KIF16B: variants seen among roughly 807,000 people sequenced by gnomAD.
The protein encoded by KIF16B is kinesin-like protein KIF16B.
A neutral mutation model predicts 156.3 loss-of-function variants in KIF16B; 98 were observed. The ratio of observed to expected loss-of-function variants is 0.63; its 90% CI spans 0.53 to 0.74. KIF16B has a LOEUF of 0.74. Ranked by LOEUF, KIF16B falls within the 30% of genes least tolerant of loss-of-function variation. KIF16B has a pLI of 0.00. For missense variants in KIF16B, 1,421 were observed against 1,606.5 expected (o/e 0.88, Z 1.97); for synonymous variants, 564 against 583.7 (o/e 0.97, Z 0.49).
intron 17 of KIF16B, among the ~76,000 whole-genome samples, chr20:16,396,753 C>T (rs535106749): frequency 1.1e-4 from 16 of 149,640 alleles, no homozygotes; most frequent in African/African-American, 2.5e-4. Context: ...CCCCGATTGT[C>T]GGTGACTTCA....
chr20:16,472,247 A>G (rs1455488917), intron 12 of KIF16B, among the ~76,000 whole-genome samples: 8 of 152,198 alleles, frequency 5.3e-5, no homozygotes. Flanking sequence ...CAGGGCCTAA[A>G]ATATTTACTA....
chr20:16,444,047 T>C (rs1439355663), intron 12 of KIF16B, among the ~76,000 whole-genome samples: 1 of 152,244 alleles, frequency 6.6e-6, no homozygotes, highest in East Asian at 1.9e-4. Flanking sequence ...GCCAGCTATC[T>C]AAACATCTAA....
intron 24 of KIF16B, among the ~76,000 whole-genome samples, chr20:16,323,512 C>T (rs2063800758): frequency 6.6e-6 from 1 of 152,014 alleles, no homozygotes; most frequent in Admixed American, 6.6e-5. Context: ...GAAATATACT[C>T]ACAAACAAAT....
At chr20:16,322,757 T>A (rs2063790473) in intron 24 of KIF16B, among the ~76,000 whole-genome samples, 1 of 152,054 alleles carries the variant, frequency 6.6e-6, no homozygotes, top group Admixed American at 6.6e-5. Context: ...GCCAGTCTGC[T>A]GCCATCAAGA....
Position 16,510,142 on chromosome 20 carries a change from C to A in KIF16B, c.556+1276G>T, listed in dbSNP as rs1329668811. On this transcript the variant is annotated intron_variant, in intron 6 of 25. Coordinates refer to ENST00000354981, the MANE Select transcript of KIF16B (RefSeq NM_024704.5). ...TTCCCCTAAGTATCTAGGTCAGATT[C>A]TGGATGTTTGCTCTGTTTTGCTATT... Among the ~76,000 whole-genome samples, 8 of 152,248 alleles carry A rather than the reference C, an allele frequency of 5.3e-5. No individual in the cohort carries two copies. The East Asian group carries it at 1.4e-3, about 26-fold the overall frequency.
rs1478305353 is a variant in KIF16B, at chr20:16,512,901, C to T, written c.371G>A (p.Arg124Gln). 5.0e-6 allele frequency: 8 copies of T among 1,612,680 alleles called. No homozygotes were observed. The highest frequency in any genetic ancestry group is 1.7e-5 in the Admixed American group (1 of 60,012). The change falls in exon 5 of 26, where the codon CGG becomes CAG. Residue 124 changes from arginine to glutamine, a missense_variant. Physicochemically the swap from Arg to Gln is conservative, Grantham distance 43. Coordinates refer to ENST00000354981, the MANE Select transcript of KIF16B (RefSeq NM_024704.5). ...CCGACTGAAGAGTCCTTCACAGATC[C>T]GAGGTATTAAGCCAGAATCTCCCTG... Reference protein sequence around the residue: ...GNSGDSGLIPRICEGLFSRIN... With the variant: ...GNSGDSGLIPQICEGLFSRIN...
intron 24 of KIF16B, among the ~76,000 whole-genome samples, chr20:16,313,888 C>T (rs1347161981): frequency 6.6e-6 from 1 of 152,186 alleles, no homozygotes; most frequent in Non-Finnish European, 1.5e-5. Context: ...AATTGTGCTG[C>T]TATGATCACT....
At position 16,573,242 on chromosome 20, in the gene KIF16B, G is replaced by A; in HGVS notation, c.34C>T (p.Pro12Ser). 6.2e-7 allele frequency: 1 copy of A among 1,601,888 alleles called. No homozygotes were observed. The highest frequency in any genetic ancestry group is 1.1e-5 in the South Asian group (1 of 88,828). Residue 12 changes from proline (P) to serine (S), a missense_variant, in exon 1 of 26, where the codon CCC becomes TCC. Physicochemically the swap from Pro to Ser is moderately conservative, Grantham distance 74 (BLOSUM62 -1). Transcript: ENST00000354981. ...ASVKVAVRVR[P>S]MNRREKDLEA... is the part of the protein sequence containing the mutation. The stretch of plus-strand genomic sequence containing the variant: ...GGCCCCACTCACCTGCGATTCATGG[G>A]CCGGACCCTCACGGCCACCTTGACC...
chr20:16,289,683 T>C (rs544558155), intron 25 of KIF16B, among the ~76,000 whole-genome samples: 54 of 151,710 alleles, frequency 3.6e-4, no homozygotes, highest in Non-Finnish European at 6.8e-4. Flanking sequence ...CTACTAAAAA[T>C]ACAAAAAATT....
At chr20:16,381,487 A>T (rs1357428683) in intron 18 of KIF16B, among the ~76,000 whole-genome samples, 1 of 151,702 alleles carries the variant, frequency 6.6e-6, no homozygotes, top group Non-Finnish European at 1.5e-5. Context: ...TTGAAGATGA[A>T]CGTTTAAAAA....
chr20:16,275,077 G>A (rs1432337970), intron 25 of KIF16B, among the ~76,000 whole-genome samples: 2 of 141,992 alleles, frequency 1.4e-5, no homozygotes, highest in Non-Finnish European at 3.0e-5. Context: ...TTTTTGAGAC[G>A]GAGTCTTGCT....
At position 16,370,383 on chromosome 20, in the gene KIF16B, C is replaced by T. The variant is rs141123043; in HGVS notation, c.3498+203G>A. On this transcript the variant is annotated intron_variant, in intron 22 of 25. Transcript: ENST00000354981. ...GGCAAAGCTCCACCACAGCTACATG[C>T]CATTCAAATAAAGTCAAAGCAGTTT... Among the ~76,000 whole-genome samples the T allele has an allele frequency of 2.6e-5, 4 of 152,244 alleles. No individual in the cohort carries two copies. The East Asian group carries it at 5.8e-4, about 22-fold the overall frequency.
intron 23 of KIF16B, among the ~76,000 whole-genome samples, chr20:16,355,957 A>C (rs1205935973): frequency 6.6e-6 from 1 of 152,260 alleles, no homozygotes; most frequent in African/African-American, 2.4e-5. Context: ...AGAAAAATTA[A>C]GACTAAGCCC....
chr20:16,273,935 C>G (rs561642009), intron 25 of KIF16B, among the ~76,000 whole-genome samples: 1 of 152,130 alleles, frequency 6.6e-6, no homozygotes, highest in Non-Finnish European at 1.5e-5. Context: ...CTCAGATCTA[C>G]AGCAGACAAT....
rs529646747 is a variant in KIF16B, at chr20:16,517,165, G to T, written c.232-1501C>A. 1.4e-4 allele frequency among the ~76,000 whole-genome samples: 22 copies of T among 152,268 alleles called. No individual in the cohort carries two copies. The South Asian group carries it at 3.3e-3, about 23-fold the overall frequency. On this transcript the variant is annotated intron_variant, in intron 3 of 25. Coordinates refer to ENST00000354981, the MANE Select transcript of KIF16B (RefSeq NM_024704.5). ...GACAAGATGAAAATACAGCCAACTG[G>T]AACTCAGCTGTCTTCAGATCCATCT...
intron 19 of KIF16B, 36 bp from the exon 20 acceptor site, chr20:16,374,445 T>C (rs751289072): frequency 4.1e-6 from 6 of 1,470,130 alleles, no homozygotes; most frequent in Non-Finnish European, 5.5e-6. Context: ...CATTCATTAA[T>C]AGTATTTCCC....
chr20:16,359,642 A>G (rs902546843), intron 22 of KIF16B, among the ~76,000 whole-genome samples: 1 of 143,134 alleles, frequency 7.0e-6, no homozygotes, highest in Non-Finnish European at 1.5e-5. Flanking sequence ...GCTCAGGATC[A>G]TAGATTCTTT....
intron 6 of KIF16B, among the ~76,000 whole-genome samples, chr20:16,511,009 A>G (rs2147051729): frequency 6.6e-6 from 1 of 152,348 alleles, no homozygotes; most frequent in East Asian, 1.9e-4. Flanking sequence ...AAACCCACAG[A>G]GGAAATCCTC....
intron 15 of KIF16B, among the ~76,000 whole-genome samples, chr20:16,425,416 A>C (rs533434447): frequency 6.6e-6 from 1 of 152,310 alleles, no homozygotes; most frequent in South Asian, 2.1e-4. Flanking sequence ...AAATCCAATT[A>C]ATAAGTGTAG....
Sources: gnomAD v4.1 joint callset for allele counts (sites outside exome capture counted in the v4.1 genomes callset) on GRCh38, gnomAD v4.1.1 for gene constraint, MANE v1.5 for transcripts, NCBI Gene and HGNC (gene_info 2026-07-23, HGNC 2026-07-21) for gene names.